KCND3: variants seen among roughly 807,000 people sequenced by gnomAD.
KCND3 encodes A-type voltage-gated potassium channel KCND3.
A neutral mutation model predicts 51.1 loss-of-function variants in KCND3; 9 were observed. The observed-to-expected ratio is 0.18, with a 90% CI of 0.11 to 0.31. KCND3 has a LOEUF of 0.31. Ranked by LOEUF, KCND3 falls within the 10% of genes least tolerant of loss-of-function variation. The pLI, the probability that KCND3 is intolerant of heterozygous loss-of-function variation, is 1.00. For missense variants in KCND3, 526 were observed against 903.8 expected (o/e 0.58, Z 5.36); for synonymous variants, 349 against 368.0 (o/e 0.95, Z 0.59).
intron 2 of KCND3, among the ~76,000 whole-genome samples, chr1:111,932,103 C>T (rs1375773557): frequency 2.0e-5 from 3 of 152,184 alleles, no homozygotes; most frequent in African/African-American, 7.2e-5. Flanking sequence ...CCACTCTGAC[C>T]TCTCCTCTTG....
intron 1 of KCND3, among the ~76,000 whole-genome samples, chr1:111,983,906 T>C (rs1470215531): frequency 6.6e-6 from 1 of 152,164 alleles, no homozygotes; most frequent in African/African-American, 2.4e-5. Context: ...AGATTTACCT[T>C]CCCAAATCTG....
At chr1:111,934,822 C>G (rs913721522) in intron 2 of KCND3, among the ~76,000 whole-genome samples, 2 of 152,188 alleles carry the variant, frequency 1.3e-5, no homozygotes, top group Non-Finnish European at 2.9e-5. Context: ...CTGCTTATAC[C>G]TCAGTTTCCT....
intron 2 of KCND3, among the ~76,000 whole-genome samples, chr1:111,919,072 G>C (rs1011958619): frequency 2.6e-5 from 4 of 151,502 alleles, no homozygotes; most frequent in African/African-American, 9.7e-5. Context: ...TTTCACCCCC[G>C]GGGTGCCTTC....
intron 2 of KCND3, among the ~76,000 whole-genome samples, chr1:111,908,730 T>G (rs1670768955): frequency 6.6e-6 from 1 of 152,184 alleles, no homozygotes; most frequent in African/African-American, 2.4e-5. Context: ...ACACTTTTTT[T>G]GTCTCAAAAA....
chr1:111,880,041 T>A (rs1249556978), intron 2 of KCND3, among the ~76,000 whole-genome samples: 1 of 152,230 alleles, frequency 6.6e-6, no homozygotes, highest in Non-Finnish European at 1.5e-5. Context: ...AATGAAATTA[T>A]ACATGTATAT....
At chr1:111,956,492 C>G (rs970928528) in intron 2 of KCND3, among the ~76,000 whole-genome samples, 3 of 152,146 alleles carry the variant, frequency 2.0e-5, no homozygotes, top group Non-Finnish European at 2.9e-5. Context: ...AATAGCCATG[C>G]CCTATTGATT....
At chr1:111,857,187 G>A (rs778780163) in intron 2 of KCND3, among the ~76,000 whole-genome samples, 3 of 152,204 alleles carry the variant, frequency 2.0e-5, no homozygotes, top group Non-Finnish European at 4.4e-5. Flanking sequence ...GTTACTTTGG[G>A]TAAGCCTCAC....
Position 111,804,616 on chromosome 1 carries a change from G to C in KCND3, c.1107-17510C>G, listed in dbSNP as rs1419148755. On this transcript the variant is annotated intron_variant, in intron 2 of 7. Transcript: ENST00000302127. Reference sequence around the variant, plus strand: ...GAAGAGGCTGGAGTGAAGGTGCCCTGCTCCACTGCTGGGGAGAGCATGAGA... The same window carrying C: ...GAAGAGGCTGGAGTGAAGGTGCCCTCCTCCACTGCTGGGGAGAGCATGAGA... Among the ~76,000 whole-genome samples the C allele has an allele frequency of 1.3e-5, 2 of 152,210 alleles. 1 individual carries two copies. Among genetic ancestry groups the C allele is most frequent in the Non-Finnish European group, 2.9e-5 (2 of 68,030 alleles).
intron 2 of KCND3, among the ~76,000 whole-genome samples, chr1:111,912,573 G>T (rs930212928): frequency 6.6e-6 from 1 of 152,188 alleles, no homozygotes; most frequent in Non-Finnish European, 1.5e-5. Flanking sequence ...CATGAAGAAG[G>T]CATTGTTATC....
rs117112552 is a variant in KCND3 at position 111,896,148 on chromosome 1, G to A, written c.1106+85473C>T. On this transcript the variant is annotated intron_variant, in intron 2 of 7. Transcript: ENST00000302127. ...ACGGTGCTGAGGGAAGCAGAGGCTC[G>A]GAAGCGGAGGGACCTCCCCGAGAAC... 1.2e-3 allele frequency among the ~76,000 whole-genome samples: 179 copies of A among 152,280 alleles called. 3 individuals carry two copies. In the East Asian group the frequency reaches 0.032, roughly 27 times the overall value.
chr1:111,792,387 G>A (rs1053358874), intron 2 of KCND3, among the ~76,000 whole-genome samples: 1 of 152,212 alleles, frequency 6.6e-6, no homozygotes, highest in African/African-American at 2.4e-5. Context: ...ATGTTTTCAT[G>A]CCTCTGCTCT....
chr1:111,876,382 G>A (rs889973233), intron 2 of KCND3, among the ~76,000 whole-genome samples: 1 of 152,196 alleles, frequency 6.6e-6, no homozygotes, highest in Non-Finnish European at 1.5e-5. Context: ...TGCCTATGAA[G>A]CACTCAGCAC....
chr1:111,860,538 C>A (rs1275579319), intron 2 of KCND3, among the ~76,000 whole-genome samples: 3 of 152,008 alleles, frequency 2.0e-5, no homozygotes, highest in African/African-American at 7.3e-5. Flanking sequence ...CAGTCCCCCA[C>A]CCCCCCAACT....
chr1:111,805,016 C>T (rs1279652103), intron 2 of KCND3, among the ~76,000 whole-genome samples: 2 of 152,152 alleles, frequency 1.3e-5, no homozygotes, highest in Non-Finnish European at 2.9e-5. Flanking sequence ...GGGTGAAGCA[C>T]AGGGAGATCC....
In KCND3 at chr1:111,900,964, C is replaced by T. The variant is rs142495187; in HGVS notation, c.1106+80657G>A. 8.6e-3 allele frequency among the ~76,000 whole-genome samples: 1,310 copies of T among 152,014 alleles called. 7 individuals are homozygous for T. The highest frequency in any genetic ancestry group is 0.013 in the Non-Finnish European group (891 of 67,954). The stretch of plus-strand genomic sequence containing the variant: ...AAGAGTGAAACTCCATCTAAAAAAA[C>T]AAAAGAAACAAACAAACAAAAACTG... On this transcript the variant is annotated intron_variant, in intron 2 of 7. Coordinates refer to ENST00000302127, the MANE Select transcript of KCND3 (RefSeq NM_001378969.1).
At chr1:111,939,782 A>C (rs1386454925) in intron 2 of KCND3, among the ~76,000 whole-genome samples, 1 of 152,144 alleles carries the variant, frequency 6.6e-6, no homozygotes, top group Admixed American at 6.5e-5. Flanking sequence ...CTGGTTCTAG[A>C]TCCTTGAGGA....
At chr1:111,886,614 T>A (rs953617320) in intron 2 of KCND3, among the ~76,000 whole-genome samples, 6 of 152,202 alleles carry the variant, frequency 3.9e-5, no homozygotes. Context: ...GGCTGCTTTG[T>A]GAGATAATAA....
intron 2 of KCND3, among the ~76,000 whole-genome samples, chr1:111,928,356 T>C (rs140314990): frequency 3.1e-4 from 47 of 152,238 alleles, no homozygotes; most frequent in African/African-American, 1.1e-3. Flanking sequence ...GCTGATGGGA[T>C]ACCTGCTTTT....
At chr1:111,847,093 A>C (rs1667583317) in intron 2 of KCND3, among the ~76,000 whole-genome samples, 1 of 152,210 alleles carries the variant, frequency 6.6e-6, no homozygotes, top group Admixed American at 6.5e-5. Flanking sequence ...CTCATGCCTG[A>C]CCAAAATAAA....
Sources: gnomAD v4.1 joint callset for allele counts (sites outside exome capture counted in the v4.1 genomes callset) on GRCh38, gnomAD v4.1.1 for gene constraint, MANE v1.5 for transcripts, NCBI Gene and HGNC (gene_info 2026-07-23, HGNC 2026-07-21) for gene names.